DTD1: variants seen among roughly 807,000 people sequenced by gnomAD.
DTD1 encodes the protein D-tyrosyl-tRNA deacylase 1 homolog.
In DTD1, 13 loss-of-function variants were observed where a neutral mutation model predicts 25.6. That is an observed-to-expected ratio of 0.51 (90% CI 0.33 to 0.81). The LOEUF is 0.81. Among genes scored for constraint, DTD1 ranks in the 30% least tolerant of loss-of-function variants. DTD1 has a pLI of 0.02. For synonymous variants in DTD1, 110 were observed against 103.6 expected, an observed-to-expected ratio of 1.06 and a Z score of -0.37; for missense variants, 193 against 266.4, an observed-to-expected ratio of 0.72 and a Z score of 1.92.
At chr20:18,634,593 G>A (rs963722451) in intron 4 of DTD1, among the ~76,000 whole-genome samples, 10 of 152,104 alleles carry the variant, frequency 6.6e-5, no homozygotes, top group Admixed American at 6.6e-5. Flanking sequence ...GAGTATCACC[G>A]TTGCTCTGTC....
intron 4 of DTD1, among the ~76,000 whole-genome samples, chr20:18,728,611 T>G (rs1220126890): frequency 1.3e-5 from 2 of 152,138 alleles, no homozygotes; most frequent in Admixed American, 6.5e-5. Context: ...GATGTGGGAA[T>G]CTGTAAGTAG....
At chr20:18,663,130 G>A (rs1412702664) in intron 4 of DTD1, among the ~76,000 whole-genome samples, 1 of 152,084 alleles carries the variant, frequency 6.6e-6, no homozygotes, top group Non-Finnish European at 1.5e-5. Flanking sequence ...CCTTTGAAAA[G>A]GTCTTAATAG....
intron 4 of DTD1, among the ~76,000 whole-genome samples, chr20:18,696,123 C>T (rs2061075125): frequency 6.6e-6 from 1 of 152,178 alleles, no homozygotes; most frequent in Non-Finnish European, 1.5e-5. Context: ...GTCATATCTG[C>T]ACCCAGGCTG....
chr20:18,637,050 T>C (rs2060810266), intron 4 of DTD1, among the ~76,000 whole-genome samples: 1 of 152,166 alleles, frequency 6.6e-6, no homozygotes, highest in Admixed American at 6.5e-5. Context: ...CACACTGACA[T>C]TTGGGAACTA....
intron 4 of DTD1, among the ~76,000 whole-genome samples, chr20:18,730,310 C>T (rs2061235755): frequency 6.6e-6 from 1 of 152,162 alleles, no homozygotes; most frequent in Non-Finnish European, 1.5e-5. Flanking sequence ...TTATTTTCCA[C>T]AAGATAAATC....
intron 2 of DTD1, among the ~76,000 whole-genome samples, chr20:18,595,716 C>T (rs905807325): frequency 1.3e-5 from 2 of 152,282 alleles, no homozygotes; most frequent in Non-Finnish European, 2.9e-5. Flanking sequence ...AGGTGGTTGT[C>T]ATCTTAGCCC....
At chr20:18,740,312 T>G (rs2061272382) in intron 4 of DTD1, among the ~76,000 whole-genome samples, 1 of 152,206 alleles carries the variant, frequency 6.6e-6, no homozygotes, top group African/African-American at 2.4e-5. Context: ...ACATTTTGTT[T>G]TTTTTTTGTT....
In DTD1 at chr20:18,712,311, A is replaced by AG. The variant is rs1447648002; in HGVS notation, c.478-31788dup. ...GCACAAGAATAAGCTCATAAACATTAGCAATTGTGTTTTGAAATTCTTTCC... is the reference window on the plus strand; with the variant it reads ...GCACAAGAATAAGCTCATAAACATTAGGCAATTGTGTTTTGAAATTCTTTCC... On this transcript the variant is annotated intron_variant, in intron 4 of 5. Transcript: ENST00000377452. Among the ~76,000 whole-genome samples the AG allele has an allele frequency of 3.4e-5, 5 of 148,042 alleles. No homozygotes were observed. In the East Asian group the frequency reaches 1.0e-3, roughly 30 times the overall value.
intron 4 of DTD1, among the ~76,000 whole-genome samples, chr20:18,658,228 T>TG (rs2060897756): frequency 6.7e-6 from 1 of 148,792 alleles, no homozygotes; most frequent in African/African-American, 2.5e-5. Flanking sequence ...TGTGTGTGTG[T>TG]TTCCCCCACC....
chr20:18,693,331 G>T (rs2061055615), intron 4 of DTD1, among the ~76,000 whole-genome samples: 1 of 152,112 alleles, frequency 6.6e-6, no homozygotes, highest in Non-Finnish European at 1.5e-5. Context: ...GAATAACATT[G>T]TTTGTTGTTT....
intron 4 of DTD1, among the ~76,000 whole-genome samples, chr20:18,707,895 A>G (rs773531761): frequency 1.1e-4 from 17 of 151,756 alleles, no homozygotes; most frequent in South Asian, 1.0e-3. Flanking sequence ...GCCTCCCAGG[A>G]TCAAGGTTTC....
At chr20:18,717,241 C>G (rs1033393680) in intron 4 of DTD1, among the ~76,000 whole-genome samples, 1 of 152,164 alleles carries the variant, frequency 6.6e-6, no homozygotes, top group African/African-American at 2.4e-5. Context: ...TGGATTCTTG[C>G]AACAGGTGAG....
chr20:18,703,250 A>G (rs777070004), intron 4 of DTD1, among the ~76,000 whole-genome samples: 1 of 152,128 alleles, frequency 6.6e-6, no homozygotes, highest in Non-Finnish European at 1.5e-5. Context: ...TTCTATGAGG[A>G]CTATTTACTG....
chr20:18,757,761 G>A (rs1055663581), intron 5 of DTD1, among the ~76,000 whole-genome samples: 3 of 152,132 alleles, frequency 2.0e-5, no homozygotes, highest in African/African-American at 7.2e-5. Flanking sequence ...GCCAGACTTT[G>A]GTATCAGGAT....
chr20:18,615,449 T>TC (rs1442128300), intron 3 of DTD1, among the ~76,000 whole-genome samples: 1 of 152,186 alleles, frequency 6.6e-6, no homozygotes, highest in Admixed American at 6.5e-5. Flanking sequence ...ACTTGTATCC[T>TC]CAACAGCCCT....
intron 4 of DTD1, among the ~76,000 whole-genome samples, chr20:18,695,908 G>A (rs2061074381): frequency 6.6e-6 from 1 of 152,010 alleles, no homozygotes; most frequent in Non-Finnish European, 1.5e-5. Context: ...GGATTCCTGG[G>A]CTCAAGAAAT....
At chr20:18,651,834 C>T (rs559297443) in intron 4 of DTD1, among the ~76,000 whole-genome samples, 1 of 152,272 alleles carries the variant, frequency 6.6e-6, no homozygotes, top group East Asian at 1.9e-4. Context: ...GAACACTGCC[C>T]CAAAAGATTA....
At chr20:18,634,025 A>G (rs1473801769) in intron 4 of DTD1, among the ~76,000 whole-genome samples, 1 of 152,252 alleles carries the variant, frequency 6.6e-6, no homozygotes, top group East Asian at 1.9e-4. Context: ...GGAACAGGAC[A>G]TGGAAGCAGC....
intron 4 of DTD1, among the ~76,000 whole-genome samples, chr20:18,729,654 T>C (rs116316864): frequency 0.013 from 1,975 of 152,366 alleles, 18 homozygotes; most frequent in African/African-American, 0.021. Context: ...ACTTCTGTGC[T>C]TTAAAAAATT....
Sources: allele counts gnomAD v4.1 joint callset (sites outside exome capture counted in the v4.1 genomes callset), GRCh38; gene constraint gnomAD v4.1.1; transcripts MANE v1.5; gene names NCBI Gene and HGNC (gene_info 2026-07-23, HGNC 2026-07-21).